Variants in AGPAT4 observed in about 807,000 individuals in gnomAD.
AGPAT4 encodes the protein 1-acylglycerol-3-phosphate O-acyltransferase 4.
AGPAT4 carries 15 observed loss-of-function variants against 48.0 expected under a neutral mutation model. The ratio of observed to expected loss-of-function variants is 0.31; its 90% CI spans 0.21 to 0.48. AGPAT4 has a LOEUF of 0.48. AGPAT4 is among the 20% of genes least tolerant of loss of function. AGPAT4 has a pLI of 0.99. For missense variants in AGPAT4, 314 were observed against 482.5 expected (o/e 0.65, Z 3.27); for synonymous variants, 178 against 198.7 (o/e 0.90, Z 0.88).
In AGPAT4 at chr6:161,131,005, T is replaced by C. The variant is rs1778884468; in HGVS notation, c.*5535A>G. 1 of 460,612 alleles carries C rather than the reference T, an allele frequency of 2.2e-6. No individual in the cohort carries two copies. Among genetic ancestry groups the C allele is most frequent in the Non-Finnish European group, 4.5e-6 (1 of 223,600 alleles). 28.5% of individuals were successfully genotyped at this position (460,612 alleles called of 1,614,324 possible). ...GGAAAAGTGACATTTGTGTAATTTA[T>C]TTTGGAAATGCAAAGGAATTATTAT... On this transcript the variant is annotated 3_prime_UTR_variant, in exon 9 of 9. Transcript: ENST00000320285.
In AGPAT4 at chr6:161,249,650, G is replaced by A. The variant is rs1782751491; in HGVS notation, c.-89-17348C>T. Reference sequence around the variant, plus strand: ...CAGTCAGAATGGCTATTATTTAAAAGTCAAAAAATAACACATGCTGGTGAG... The same window carrying A: ...CAGTCAGAATGGCTATTATTTAAAAATCAAAAAATAACACATGCTGGTGAG... On this transcript the variant is annotated intron_variant, in intron 1 of 8. Coordinates refer to ENST00000320285, the MANE Select transcript of AGPAT4 (RefSeq NM_020133.3). This position sits in a 1 kb window ranked among gnomAD's most constrained non-coding sequence, Gnocchi z 6.2. Among the ~76,000 whole-genome samples the A allele has an allele frequency of 6.6e-6, 1 of 152,142 alleles. No individual in the cohort carries two copies. The highest frequency in any genetic ancestry group is 1.5e-5 in the Non-Finnish European group (1 of 68,006).
chr6:161,244,553 A>T lies in AGPAT4; in HGVS notation c.-89-12251T>A, dbSNP rs367790907. On this transcript the variant is annotated intron_variant, in intron 1 of 8. Coordinates refer to ENST00000320285, the MANE Select transcript of AGPAT4 (RefSeq NM_020133.3). The surrounding 1 kb of genome is among the most constrained non-coding windows in gnomAD (Gnocchi z 4.7). ...CTTTTCAGTATTTCAGCACTCTACA[A>T]CCTTTAAGCTGGCTCCATTATGGCT... is the stretch of plus-strand genomic sequence containing the variant. Among the ~76,000 whole-genome samples, 7 of 152,200 alleles carry T rather than the reference A, an allele frequency of 4.6e-5. No individual in the cohort carries two copies. The East Asian group carries it at 7.7e-4, about 17-fold the overall frequency.
At chr6:161,152,128 A>G (rs1779608518) in intron 5 of AGPAT4, among the ~76,000 whole-genome samples, 1 of 152,078 alleles carries the variant, frequency 6.6e-6, no homozygotes. Context: ...GCCTGCCAGG[A>G]TGTTGTGGGG....
At position 161,139,758 on chromosome 6, in the gene AGPAT4, T is replaced by C. The variant is rs1352555641; in HGVS notation, c.844-138A>G. The stretch of plus-strand genomic sequence containing the variant: ...GGCAGAACTGGGGTCTGCAGCTCCT[T>C]CCAGAAAGCACTTTGTAGGCAGCTG... On this transcript the variant is annotated intron_variant, in intron 7 of 8. Transcript: ENST00000320285. This position sits in a 1 kb window ranked among gnomAD's most constrained non-coding sequence, Gnocchi z 9.1. 5.8e-6 allele frequency: 4 copies of C among 685,584 alleles called. No individual in the cohort carries two copies. Among genetic ancestry groups the C allele is most frequent in the Non-Finnish European group, 7.2e-6 (3 of 415,046 alleles). 42.5% of individuals were successfully genotyped at this position (685,584 alleles called of 1,614,324 possible). A position where few individuals can be genotyped will look rare whatever the true frequency, so the allele number is the denominator to read the frequency against.
rs1453246883 is a variant in AGPAT4, at chr6:161,264,208, G to A, written c.-90+9730C>T. Among the ~76,000 whole-genome samples, 1 of 152,108 alleles carries A rather than the reference G, an allele frequency of 6.6e-6. No individual in the cohort carries two copies. ...CTTTCTCCCTATATTTACTATCTCA[G>A]GGCGTCAAAGACACCCTCCATACAA... On this transcript the variant is annotated intron_variant, in intron 1 of 8. Coordinates refer to ENST00000320285, the MANE Select transcript of AGPAT4 (RefSeq NM_020133.3). The surrounding 1 kb of genome is among the most constrained non-coding windows in gnomAD (Gnocchi z 6.8).
chr6:161,250,580 C>CT (rs1016445244), intron 1 of AGPAT4, among the ~76,000 whole-genome samples: 4 of 150,920 alleles, frequency 2.7e-5, no homozygotes, highest in African/African-American at 4.9e-5. Flanking sequence ...GGGCACAAAC[C>CT]TTTTTTTTTC....
Position 161,196,167 on chromosome 6 carries a change from A to T in AGPAT4, c.179-29750T>A, listed in dbSNP as rs13219494. Among the ~76,000 whole-genome samples the T allele has an allele frequency of 0.15, 22,200 of 152,178 alleles. 2,503 individuals carry two copies. Among genetic ancestry groups the T allele is most frequent in the African/African-American group, 0.32 (13,276 of 41,480 alleles). ...AGCACTGTCTTTCTAGGAGAAAAGA[A>T]ATGGGACCTAGTAAGTTAAGGCATC... is the stretch of plus-strand genomic sequence containing the variant. On this transcript the variant is annotated intron_variant, in intron 2 of 8. Transcript: ENST00000320285. The surrounding 1 kb of genome is among the most constrained non-coding windows in gnomAD (Gnocchi z 4.3).
Position 161,155,959 on chromosome 6 carries a change from C to T in AGPAT4, c.349-1649G>A, listed in dbSNP as rs1001297964. On this transcript the variant is annotated intron_variant, in intron 3 of 8. Transcript: ENST00000320285. This position sits in a 1 kb window ranked among gnomAD's most constrained non-coding sequence, Gnocchi z 5.8. The stretch of plus-strand genomic sequence containing the variant: ...GGTCCCATGCAGCCAATCATGGCTT[C>T]TGCTGGGGAAAAGCACTCTCAGGGA... 2.6e-5 allele frequency among the ~76,000 whole-genome samples: 4 copies of T among 152,352 alleles called. No individual in the cohort carries two copies. Among genetic ancestry groups the T allele is most frequent in the Non-Finnish European group, 5.9e-5 (4 of 68,032 alleles).
rs377340912 is a variant in AGPAT4, at chr6:161,166,269, G to A, written c.327C>T (p.Ser109=). 6.8e-6 allele frequency: 11 copies of A among 1,613,964 alleles called. No individual in the cohort carries two copies. The African/African-American group carries it at 9.3e-5, about 14-fold the overall frequency. ...EIDFLCGWSL[S]ERFGLLGGSK... ...TTACCCCTAACAGCCCAAAGCGTTC[G>A]GACAGGCTCCAGCCACACAGAAAGT... The change falls in exon 3 of 9, where the codon TCC becomes TCT. Residue 109 remains serine (S), a synonymous_variant. Coordinates refer to ENST00000320285, the MANE Select transcript of AGPAT4 (RefSeq NM_020133.3). The surrounding 1 kb of genome is among the most constrained non-coding windows in gnomAD (Gnocchi z 6.7).
In AGPAT4 at chr6:161,161,097, G is replaced by A. The variant is rs1389131097; in HGVS notation, c.348+5151C>T. On this transcript the variant is annotated intron_variant, in intron 3 of 8. Transcript: ENST00000320285. The surrounding 1 kb of genome is among the most constrained non-coding windows in gnomAD (Gnocchi z 4.6). Reference sequence around the variant, plus strand: ...CACAGGCTGTGACCGTTTGCTGAGGGCTGCGCACAGAGGAGGAGGAAGCCC... The same window carrying A: ...CACAGGCTGTGACCGTTTGCTGAGGACTGCGCACAGAGGAGGAGGAAGCCC... 1 of 456,714 alleles carries A rather than the reference G, an allele frequency of 2.2e-6. No homozygotes were observed. Among genetic ancestry groups the A allele is most frequent in the Non-Finnish European group, 4.4e-6 (1 of 226,974 alleles). The allele number at this position is 456,714 out of a possible 1,614,324, so 28.3% of individuals were successfully genotyped here. A position where few individuals can be genotyped will look rare whatever the true frequency, so the allele number is the denominator to read the frequency against.
Position 161,262,630 on chromosome 6 carries a change from A to T in AGPAT4, c.-90+11308T>A, listed in dbSNP as rs557633186. Among the ~76,000 whole-genome samples the T allele has an allele frequency of 7.9e-5, 12 of 152,064 alleles. No individual in the cohort carries two copies. The highest frequency in any genetic ancestry group is 2.9e-4 in the African/African-American group (12 of 41,486). ...TTAGGGGCTGAGTTCTCCCCTTCTG[A>T]CCCACTGCAAGCTCTACCCCACTTC... is the stretch of plus-strand genomic sequence containing the variant. On this transcript the variant is annotated intron_variant, in intron 1 of 8. Transcript: ENST00000320285. This position sits in a 1 kb window ranked among gnomAD's most constrained non-coding sequence, Gnocchi z 4.9.
Position 161,246,114 on chromosome 6 carries a change from A to C in AGPAT4, c.-89-13812T>G, listed in dbSNP as rs1310736385. Among the ~76,000 whole-genome samples, 1 of 152,178 alleles carries C rather than the reference A, an allele frequency of 6.6e-6. No homozygotes were observed. Among genetic ancestry groups the C allele is most frequent in the African/African-American group, 2.4e-5 (1 of 41,444 alleles). ...CTATTCCTCGAAAAGTTTCATTAGCAGCAGCAGTGATCAAACATGTGTCAG... is the reference window on the plus strand; with the variant it reads ...CTATTCCTCGAAAAGTTTCATTAGCCGCAGCAGTGATCAAACATGTGTCAG... On this transcript the variant is annotated intron_variant, in intron 1 of 8. Coordinates refer to ENST00000320285, the MANE Select transcript of AGPAT4 (RefSeq NM_020133.3). This position sits in a 1 kb window ranked among gnomAD's most constrained non-coding sequence, Gnocchi z 5.5.
intron 2 of AGPAT4, among the ~76,000 whole-genome samples, chr6:161,187,759 G>A (rs1228771146): frequency 1.3e-5 from 2 of 152,016 alleles, no homozygotes; most frequent in Non-Finnish European, 2.9e-5. Context: ...GGCCAGCCTG[G>A]TCTCAAACTC....
Position 161,147,560 on chromosome 6 carries a change from T to C in AGPAT4, c.768-961A>G, listed in dbSNP as rs1779467578. Among the ~76,000 whole-genome samples, 1 of 152,244 alleles carries C rather than the reference T, an allele frequency of 6.6e-6. No homozygotes were observed. Among genetic ancestry groups the C allele is most frequent in the Non-Finnish European group, 1.5e-5 (1 of 68,044 alleles). ...AGATAAAGGATGGGATTCCATCTTA[T>C]AACAGATTACAATGAGCCACTTCCT... On this transcript the variant is annotated intron_variant, in intron 6 of 8. Transcript: ENST00000320285. This position sits in a 1 kb window ranked among gnomAD's most constrained non-coding sequence, Gnocchi z 4.8.
At chr6:161,176,607 G>A (rs1424153476) in intron 2 of AGPAT4, among the ~76,000 whole-genome samples, 1 of 152,148 alleles carries the variant, frequency 6.6e-6, no homozygotes, top group Non-Finnish European at 1.5e-5. Context: ...TTGCCAGTCT[G>A]TGTCTTTTAA....
chr6:161,161,778 C>A lies in AGPAT4; in HGVS notation c.348+4470G>T. 3.3e-6 allele frequency: 1 copy of A among 307,250 alleles called. No homozygotes were observed. The highest frequency in any genetic ancestry group is 3.0e-5 in the South Asian group (1 of 33,052). 19.0% of individuals were successfully genotyped at this position (307,250 alleles called of 1,614,324 possible). A position where few individuals can be genotyped will look rare whatever the true frequency, so the allele number is the denominator to read the frequency against. ...AGAAACCACACACAATCAACACTCA[C>A]TGGACACGTATTTTGAAGGTATATC... On this transcript the variant is annotated intron_variant, in intron 3 of 8. Transcript: ENST00000320285. The surrounding 1 kb of genome is among the most constrained non-coding windows in gnomAD (Gnocchi z 4.6).
Position 161,144,169 on chromosome 6 carries a change from A to G in AGPAT4, c.843+2355T>C, listed in dbSNP as rs1261753342. On this transcript the variant is annotated intron_variant, in intron 7 of 8. Transcript: ENST00000320285. This position sits in a 1 kb window ranked among gnomAD's most constrained non-coding sequence, Gnocchi z 6.6. ...CTTGGAGAAACCATGCACCACTTCCACTTGCTGCTCAGCGATCTTCTCGGA... is the reference window on the plus strand; with the variant it reads ...CTTGGAGAAACCATGCACCACTTCCGCTTGCTGCTCAGCGATCTTCTCGGA... The G allele has an allele frequency of 1.9e-6, 1 of 532,902 alleles. No individual in the cohort carries two copies. The highest frequency in any genetic ancestry group is 1.4e-5 in the South Asian group (1 of 71,524). The allele number at this position is 532,902 out of a possible 1,614,324, so 33.0% of individuals were successfully genotyped here. A position where few individuals can be genotyped will look rare whatever the true frequency, so the allele number is the denominator to read the frequency against.
In AGPAT4 at chr6:161,144,006, A is replaced by G; in HGVS notation, c.843+2518T>C. ...CACCACACTTCTGACTGCAAGGTTG[A>G]TCATTAAAATGAAATCCCACTTTGA... On this transcript the variant is annotated intron_variant, in intron 7 of 8. Transcript: ENST00000320285. This position sits in a 1 kb window ranked among gnomAD's most constrained non-coding sequence, Gnocchi z 6.6. 2 of 406,020 alleles carry G rather than the reference A, an allele frequency of 4.9e-6. No homozygotes were observed. Among genetic ancestry groups the G allele is most frequent in the South Asian group, 3.8e-5 (2 of 52,212 alleles). The allele number at this position is 406,020 out of a possible 1,614,324, so 25.2% of individuals were successfully genotyped here.
intron 1 of AGPAT4, among the ~76,000 whole-genome samples, chr6:161,260,670 A>AC (rs1783074350): frequency 6.6e-6 from 1 of 150,620 alleles, no homozygotes; most frequent in Non-Finnish European, 1.5e-5. Flanking sequence ...AAAAAAAAAA[A>AC]AAAAAAAAAA....
Sources: allele counts gnomAD v4.1 joint callset (sites outside exome capture counted in the v4.1 genomes callset), GRCh38; gene constraint gnomAD v4.1.1; non-coding constraint Gnocchi (gnomAD v3.1); transcripts MANE v1.5; gene names NCBI Gene and HGNC (gene_info 2026-07-23, HGNC 2026-07-21).